The following CARD8 variants were observed in gnomAD, a reference collection of about 807,000 sequenced individuals.
CARD8 encodes caspase recruitment domain-containing protein 8.
A neutral mutation model predicts 53.2 loss-of-function variants in CARD8; 38 were observed. The ratio of observed to expected loss-of-function variants is 0.71; its 90% CI spans 0.55 to 0.94. CARD8 has a LOEUF of 0.94. CARD8 is among the 40% of genes least tolerant of loss of function. The probability of loss-of-function intolerance (pLI) is 0.00; values close to 1 mark genes in which losing one functional copy is unlikely to be tolerated. For missense variants in CARD8, 561 were observed against 655.5 expected, an observed-to-expected ratio of 0.86 and a Z score of 1.57; for synonymous variants, 245 against 244.9, an observed-to-expected ratio of 1.00 and a Z score of 0.00.
At chr19:48,231,281 C>T (rs1283215251) in intron 8 of CARD8, among the ~76,000 whole-genome samples, 5 of 151,962 alleles carry the variant, frequency 3.3e-5, no homozygotes, top group East Asian at 3.8e-4. Flanking sequence ...GGAACCGATA[C>T]GCTTCCTTTT....
intron 10 of CARD8, among the ~76,000 whole-genome samples, chr19:48,228,067 G>A (rs937273286): frequency 2.0e-5 from 3 of 152,182 alleles, no homozygotes; most frequent in African/African-American, 4.8e-5. Context: ...TCATACGAGC[G>A]TGAACCCTGC....
rs149429774 is a variant in CARD8, at chr19:48,210,705, G to A, written c.*1005C>T. 2.5e-4 allele frequency: 38 copies of A among 152,164 alleles called. No individual in the cohort carries two copies. Among genetic ancestry groups the A allele is most frequent in the African/African-American group, 8.9e-4 (37 of 41,518 alleles). 9.4% of individuals were successfully genotyped at this position (152,164 alleles called of 1,614,324 possible). A position where few individuals can be genotyped will look rare whatever the true frequency, so the allele number is the denominator to read the frequency against. ...CTAACATATTAATAATTACATTAAC[G>A]TAAGTAATTGAAATCTTCCAGTTAA... is the stretch of plus-strand genomic sequence containing the variant. On this transcript the variant is annotated 3_prime_UTR_variant, in exon 14 of 14. Transcript: ENST00000651546.
At chr19:48,243,375 C>A (rs34402430) in intron 3 of CARD8, among the ~76,000 whole-genome samples, 38,371 of 152,074 alleles carry the variant, frequency 0.25, 5,645 homozygotes, top group African/African-American at 0.4. Flanking sequence ...TTTACCACCA[C>A]TGAATTTATC....
chr19:48,232,722 CA>C (rs1171322500), intron 6 of CARD8: 7 of 661,320 alleles, frequency 1.1e-5, no homozygotes, highest in Non-Finnish European at 1.7e-5. Context: ...ACGGCTATAA[CA>C]CTGTGTAGCA....
At chr19:48,213,556 T>C (rs1600073136) in intron 13 of CARD8, among the ~76,000 whole-genome samples, 2 of 152,256 alleles carry the variant, frequency 1.3e-5, no homozygotes, top group South Asian at 4.2e-4. Flanking sequence ...GTATTTTTAG[T>C]AGAGGCAGGG....
At chr19:48,255,769 A>C (rs1967189985) in intron 1 of CARD8, 23 bp downstream of exon 1, 1 of 152,306 alleles carries the variant, frequency 6.6e-6, no homozygotes, top group Admixed American at 6.5e-5. Flanking sequence ...TCCTTCCTGT[A>C]CACTAGGGCT....
intron 3 of CARD8, among the ~76,000 whole-genome samples, chr19:48,244,872 C>T (rs778356315): frequency 1.3e-5 from 2 of 149,396 alleles, no homozygotes; most frequent in South Asian, 2.1e-4. Context: ...TTAACAATCA[C>T]TCTTGGGGGG....
At chr19:48,245,723 T>C (rs1044499447) in intron 3 of CARD8, among the ~76,000 whole-genome samples, 2 of 150,218 alleles carry the variant, frequency 1.3e-5, no homozygotes, top group Non-Finnish European at 3.0e-5. Context: ...CTCAACCAGC[T>C]TATCTGAATG....
intron 12 of CARD8, 85 bp from the exon 13 acceptor site, chr19:48,215,469 T>G: frequency 1.1e-6 from 1 of 891,146 alleles, no homozygotes; most frequent in Non-Finnish European, 1.8e-6. Context: ...TGCAACCAAC[T>G]GAAATAATTT....
chr19:48,212,220 C>A (rs1292617742), intron 13 of CARD8, among the ~76,000 whole-genome samples: 1 of 152,194 alleles, frequency 6.6e-6, no homozygotes, highest in African/African-American at 2.4e-5. Flanking sequence ...TTCTTGAAGC[C>A]TGTTTCTTCC....
intron 10 of CARD8, among the ~76,000 whole-genome samples, chr19:48,229,571 CG>C (rs1193515559): frequency 6.6e-6 from 1 of 152,148 alleles, no homozygotes; most frequent in African/African-American, 2.4e-5. Flanking sequence ...GACGGGGGGA[CG>C]ATACAATTTA....
chr19:48,253,953 A>T (rs1381030876), intron 1 of CARD8, among the ~76,000 whole-genome samples: 1 of 152,250 alleles, frequency 6.6e-6, no homozygotes, highest in Admixed American at 6.5e-5. Flanking sequence ...CAACTCACAC[A>T]GCCATTGAAG....
chr19:48,237,792 G>A (rs1037959398), intron 5 of CARD8, among the ~76,000 whole-genome samples: 7 of 150,076 alleles, frequency 4.7e-5, no homozygotes, highest in Non-Finnish European at 7.4e-5. Flanking sequence ...GCAAGACTTC[G>A]TCTCAAAAAA....
chr19:48,245,629 T>C (rs1048554125), intron 3 of CARD8, among the ~76,000 whole-genome samples: 32 of 151,536 alleles, frequency 2.1e-4, no homozygotes, highest in African/African-American at 7.5e-4. Flanking sequence ...AACTAAACTA[T>C]ACAAAAAAAC....
At chr19:48,223,481 C>A (rs778996168) in intron 10 of CARD8, among the ~76,000 whole-genome samples, 5 of 151,976 alleles carry the variant, frequency 3.3e-5, no homozygotes, top group Non-Finnish European at 5.9e-5. Flanking sequence ...GAGAACTATC[C>A]AGGAGGCATC....
chr19:48,234,937 T>C (rs2043606892), intron 5 of CARD8, among the ~76,000 whole-genome samples: 1 of 152,174 alleles, frequency 6.6e-6, no homozygotes, highest in South Asian at 2.1e-4. Flanking sequence ...TCATCCATAA[T>C]TGGTGCCCGA....
Position 48,212,260 on chromosome 19 carries a change from C to A in CARD8, c.1349-285G>T, listed in dbSNP as rs534179187. ...TGGTGTTTTTCATTGAAATCCTAGA[C>A]AGAGCTCTATCTTGCTGTACATACA... On this transcript the variant is annotated intron_variant, in intron 13 of 13. Coordinates refer to ENST00000651546, the MANE Select transcript of CARD8 (RefSeq NM_001184900.3). 9.2e-5 allele frequency among the ~76,000 whole-genome samples: 14 copies of A among 152,326 alleles called. 1 individual carries two copies. In the East Asian group the frequency reaches 2.7e-3, roughly 29 times the overall value.
rs1600124837 is a variant in CARD8, at chr19:48,216,692, T to G, written c.1304-1308A>C. Among the ~76,000 whole-genome samples the G allele has an allele frequency of 3.7e-5, 5 of 133,898 alleles. No homozygotes were observed. The South Asian group carries it at 1.2e-3, about 33-fold the overall frequency. 87.8% of individuals were successfully genotyped at this position (133,898 alleles called of 152,430 possible). On this transcript the variant is annotated intron_variant, in intron 12 of 13. Coordinates refer to ENST00000651546, the MANE Select transcript of CARD8 (RefSeq NM_001184900.3). ...AGGTGATGGGATTGTGAGGATTCAG[T>G]GGAGGAAGGAAGATCAGTGACTGAG...
rs530932184 is a variant in CARD8 at position 48,238,344 on chromosome 19, A to G, written c.209+39T>C. 3.9e-6 allele frequency: 6 copies of G among 1,527,888 alleles called. No homozygotes were observed. The East Asian group carries it at 1.2e-4, about 31-fold the overall frequency. 94.6% of individuals were successfully genotyped at this position (1,527,888 alleles called of 1,614,324 possible). ...ACATAAACCAATGGAGCAAAATTCC[A>G]AATCTTTAATTTTTTCCCAACAAAT... On this transcript the variant is annotated intron_variant, in intron 5 of 13. Transcript: ENST00000651546.
Sources: allele counts gnomAD v4.1 joint callset (sites outside exome capture counted in the v4.1 genomes callset), GRCh38; gene constraint gnomAD v4.1.1; transcripts MANE v1.5; gene names NCBI Gene and HGNC (gene_info 2026-07-23, HGNC 2026-07-21).